KCNIP4: variants seen among roughly 807,000 people sequenced by gnomAD.
The protein encoded by KCNIP4 is Kv channel-interacting protein 4.
Under a neutral mutation model 34.0 loss-of-function variants are expected in KCNIP4, and 12 were observed. The observed-to-expected ratio is 0.35, with a 90% CI of 0.23 to 0.57. KCNIP4 has a LOEUF of 0.57. Ranked by LOEUF, KCNIP4 falls within the 20% of genes least tolerant of loss-of-function variation. KCNIP4 has a pLI of 0.83. For synonymous variants in KCNIP4, 124 were observed against 102.2 expected (o/e 1.21, Z -1.29); for missense variants, 238 against 311.7 (o/e 0.76, Z 1.78).
intron 1 of KCNIP4, among the ~76,000 whole-genome samples, chr4:21,045,116 T>A (rs1288174061): frequency 6.6e-6 from 1 of 152,210 alleles, no homozygotes; most frequent in Non-Finnish European, 1.5e-5. Flanking sequence ...GTACTTTATT[T>A]TACTTCATGC....
intron 1 of KCNIP4, among the ~76,000 whole-genome samples, chr4:20,908,559 A>G (rs1728023271): frequency 6.6e-6 from 1 of 152,210 alleles, no homozygotes; most frequent in Admixed American, 6.5e-5. Context: ...TTCCTCTAAA[A>G]TAGATGGAAT....
rs113161215 is a variant in KCNIP4, at chr4:21,234,622, T to C, written c.62-351913A>G. On this transcript the variant is annotated intron_variant, in intron 1 of 8. Transcript: ENST00000382152. ...TATATTACATATAACGTATATAATA[T>C]ATATTACATATAACATAAGAATATA... Among the ~76,000 whole-genome samples, 167 of 143,096 alleles carry C rather than the reference T, an allele frequency of 1.2e-3. 1 individual carries two copies. Among genetic ancestry groups the C allele is most frequent in the Non-Finnish European group, 2.1e-3 (141 of 66,782 alleles). 93.9% of individuals were successfully genotyped at this position (143,096 alleles called of 152,430 possible).
intron 3 of KCNIP4, among the ~76,000 whole-genome samples, chr4:20,794,880 G>A (rs1578635388): frequency 6.6e-6 from 1 of 152,260 alleles, no homozygotes; most frequent in East Asian, 1.9e-4. Flanking sequence ...TCTTTGAAAT[G>A]TTCTTTAAAA....
At chr4:20,754,650 A>G (rs1024451120) in intron 4 of KCNIP4, among the ~76,000 whole-genome samples, 2 of 152,232 alleles carry the variant, frequency 1.3e-5, no homozygotes, top group Admixed American at 6.5e-5. Flanking sequence ...GCATTCAATT[A>G]ACATGAATAA....
chr4:20,792,734 T>C (rs911278102), intron 3 of KCNIP4, among the ~76,000 whole-genome samples: 13 of 152,298 alleles, frequency 8.5e-5, no homozygotes, highest in Admixed American at 2.6e-4. Context: ...TTTATAGATC[T>C]AATAATATAG....
At chr4:21,483,170 T>C (rs1482884700) in intron 1 of KCNIP4, among the ~76,000 whole-genome samples, 1 of 151,836 alleles carries the variant, frequency 6.6e-6, no homozygotes, top group African/African-American at 2.4e-5. Context: ...GGCACATGTA[T>C]ACATATGTAA....
intron 3 of KCNIP4, among the ~76,000 whole-genome samples, chr4:20,843,818 C>T (rs183261655): frequency 6.6e-6 from 1 of 152,260 alleles, no homozygotes; most frequent in East Asian, 1.9e-4. Context: ...TAGATTGATG[C>T]AAAAGTAATT....
intron 1 of KCNIP4, among the ~76,000 whole-genome samples, chr4:21,820,714 T>C (rs569380406): frequency 6.6e-6 from 1 of 152,272 alleles, no homozygotes; most frequent in Admixed American, 6.5e-5. Context: ...ATTTGCATCA[T>C]AATTACATTT....
chr4:21,213,120 A>C (rs916332933), intron 1 of KCNIP4, among the ~76,000 whole-genome samples: 2 of 152,120 alleles, frequency 1.3e-5, no homozygotes, highest in Admixed American at 1.3e-4. Context: ...GACGAGGTGC[A>C]TGCTGTTTCT....
intron 2 of KCNIP4, among the ~76,000 whole-genome samples, chr4:20,869,778 G>A (rs907811512): frequency 2.6e-5 from 4 of 152,128 alleles, no homozygotes; most frequent in Non-Finnish European, 5.9e-5. Flanking sequence ...TACTAATTGA[G>A]GTGTTATTCT....
chr4:21,303,916 G>T (rs746114312), intron 1 of KCNIP4: 9 of 1,613,868 alleles, frequency 5.6e-6, no homozygotes, highest in Non-Finnish European at 6.8e-6. Flanking sequence ...TGGTCAGCTA[G>T]GTCATGGTCC....
At chr4:20,856,861 C>G (rs1218386095) in intron 2 of KCNIP4, among the ~76,000 whole-genome samples, 2 of 152,046 alleles carry the variant, frequency 1.3e-5, no homozygotes, top group East Asian at 1.9e-4. Flanking sequence ...ACCTAGTGAC[C>G]CTCACATGGG....
chr4:21,331,986 A>T (rs1176678318), intron 1 of KCNIP4, among the ~76,000 whole-genome samples: 2 of 152,094 alleles, frequency 1.3e-5, no homozygotes, highest in African/African-American at 2.4e-5. Context: ...ATACATGATA[A>T]TAAGAGCATC....
chr4:21,339,345 T>C (rs184518801), intron 1 of KCNIP4, among the ~76,000 whole-genome samples: 2 of 152,294 alleles, frequency 1.3e-5, no homozygotes, highest in Non-Finnish European at 2.9e-5. Flanking sequence ...TTTTAATTCA[T>C]AGAATGACAG....
At chr4:21,565,477 T>C (rs73252257) in intron 1 of KCNIP4, among the ~76,000 whole-genome samples, 4,301 of 152,204 alleles carry the variant, frequency 0.028, 62 homozygotes, top group South Asian at 0.044. Context: ...TGGCAAATAC[T>C]GTAGGGTAGT....
chr4:21,434,815 C>T (rs1046306328), intron 1 of KCNIP4, among the ~76,000 whole-genome samples: 2 of 148,350 alleles, frequency 1.3e-5, no homozygotes, highest in Non-Finnish European at 3.0e-5. Flanking sequence ...TCCCCGGTGG[C>T]GAAAAGGTTG....
intron 1 of KCNIP4, among the ~76,000 whole-genome samples, chr4:21,685,339 C>T (rs1482015373): frequency 6.6e-6 from 1 of 152,128 alleles, no homozygotes; most frequent in Non-Finnish European, 1.5e-5. Context: ...TCAGCAGAAC[C>T]TTGAATTGGG....
intron 2 of KCNIP4, among the ~76,000 whole-genome samples, chr4:20,866,532 C>A (rs1001680897): frequency 2.0e-5 from 3 of 152,042 alleles, no homozygotes; most frequent in African/African-American, 7.2e-5. Flanking sequence ...ACATCTATGA[C>A]AAACCCACAG....
chr4:21,452,973 T>C (rs531371288), intron 1 of KCNIP4, among the ~76,000 whole-genome samples: 2 of 152,236 alleles, frequency 1.3e-5, no homozygotes, highest in Middle Eastern at 6.8e-3. Flanking sequence ...AAGAGGAATG[T>C]TTTTAGTAGA....
Sources: gnomAD v4.1 joint callset for allele counts (sites outside exome capture counted in the v4.1 genomes callset) on GRCh38, gnomAD v4.1.1 for gene constraint, MANE v1.5 for transcripts, NCBI Gene and HGNC (gene_info 2026-07-23, HGNC 2026-07-21) for gene names.